The following ABTB2 variants were observed in gnomAD, a reference collection of about 807,000 sequenced individuals.
ABTB2 encodes the protein ankyrin repeat and BTB/POZ domain-containing protein 2.
In ABTB2, 56 loss-of-function variants were observed where a neutral mutation model predicts 104.1. That is an observed-to-expected ratio of 0.54 (90% CI 0.43 to 0.67). The LOEUF is 0.67. Ranked by LOEUF, ABTB2 falls within the 30% of genes least tolerant of loss-of-function variation. The pLI is 0.00. For missense variants in ABTB2, 1,279 were observed against 1,407.7 expected (o/e 0.91, Z 1.46); for synonymous variants, 606 against 608.2 (o/e 1.00, Z 0.05).
At chr11:34,275,603 C>T (rs1021098514) in intron 1 of ABTB2, among the ~76,000 whole-genome samples, 3 of 152,114 alleles carry the variant, frequency 2.0e-5, no homozygotes, top group African/African-American at 4.8e-5. Flanking sequence ...TTTATGAGCA[C>T]CCTAATCCAC....
chr11:34,321,133 G>C (rs947315062), intron 1 of ABTB2, among the ~76,000 whole-genome samples: 1 of 152,202 alleles, frequency 6.6e-6, no homozygotes, highest in African/African-American at 2.4e-5. Context: ...AGTGAGCTGA[G>C]ATCTCACCAT....
chr11:34,342,477 G>C (rs1245126289), intron 1 of ABTB2, among the ~76,000 whole-genome samples: 1 of 152,188 alleles, frequency 6.6e-6, no homozygotes, highest in East Asian at 1.9e-4. Flanking sequence ...GGAGGCCACA[G>C]GGCAAATGAG....
At position 34,224,856 on chromosome 11, in the gene ABTB2, T is replaced by C. The variant is rs187730993; in HGVS notation, c.884-20166A>G. Among the ~76,000 whole-genome samples, 331 of 152,266 alleles carry C rather than the reference T, an allele frequency of 2.2e-3. 1 individual carries two copies. Among genetic ancestry groups the C allele is most frequent in the Non-Finnish European group, 2.3e-3 (155 of 68,032 alleles). ...TTGAGGTAGGAATGATTTGAGATAGTGGTAATCTTTTTTAACGAGGCTTTT... is the reference window on the plus strand; with the variant it reads ...TTGAGGTAGGAATGATTTGAGATAGCGGTAATCTTTTTTAACGAGGCTTTT... On this transcript the variant is annotated intron_variant, in intron 1 of 16. Transcript: ENST00000435224.
intron 1 of ABTB2, among the ~76,000 whole-genome samples, chr11:34,341,309 C>T (rs1855259891): frequency 6.6e-6 from 1 of 152,168 alleles, no homozygotes; most frequent in African/African-American, 2.4e-5. Flanking sequence ...GTCAAGGGTC[C>T]AGAGGTTAGA....
At chr11:34,268,075 C>T (rs111745986) in intron 1 of ABTB2, among the ~76,000 whole-genome samples, 12,440 of 152,040 alleles carry the variant, frequency 0.082, 1,323 homozygotes, top group African/African-American at 0.25. Context: ...GGACTATAGG[C>T]GCCAGCCACC....
intron 9 of ABTB2, among the ~76,000 whole-genome samples, chr11:34,163,318 T>A (rs1190315393): frequency 6.6e-6 from 1 of 152,280 alleles, no homozygotes; most frequent in South Asian, 2.1e-4. Flanking sequence ...TCCCTTCATG[T>A]TGATAAGGAT....
intron 14 of ABTB2, among the ~76,000 whole-genome samples, chr11:34,156,286 C>T (rs1485596553): frequency 6.6e-6 from 1 of 152,212 alleles, no homozygotes; most frequent in Non-Finnish European, 1.5e-5. Context: ...AGCCAGCAGG[C>T]AGAGGTGGGT....
chr11:34,317,779 A>T (rs902396312), intron 1 of ABTB2, among the ~76,000 whole-genome samples: 1 of 149,012 alleles, frequency 6.7e-6, no homozygotes, highest in East Asian at 2.0e-4. Flanking sequence ...AAAAAAAAAA[A>T]TTAATAACGG....
intron 1 of ABTB2, among the ~76,000 whole-genome samples, chr11:34,238,836 C>T (rs1203527676): frequency 6.6e-6 from 1 of 152,178 alleles, no homozygotes; most frequent in East Asian, 1.9e-4. Context: ...TCACTGCAAC[C>T]TTGGCCTCCC....
chr11:34,278,389 G>A lies in ABTB2; in HGVS notation c.884-73699C>T, dbSNP rs531586502. ...TCTCAGGGCCTTGAATATGCAAATT[G>A]CATATTATAAAATGCAAAGAAGGAA... On this transcript the variant is annotated intron_variant, in intron 1 of 16. Coordinates refer to ENST00000435224, the MANE Select transcript of ABTB2 (RefSeq NM_145804.3). Among the ~76,000 whole-genome samples, 7 of 152,128 alleles carry A rather than the reference G, an allele frequency of 4.6e-5. No individual in the cohort carries two copies. The South Asian group carries it at 1.2e-3, about 27-fold the overall frequency.
chr11:34,348,495 T>C (rs926086308), intron 1 of ABTB2, among the ~76,000 whole-genome samples: 4 of 152,172 alleles, frequency 2.6e-5, no homozygotes, highest in African/African-American at 9.7e-5. Context: ...TTGCTCACAC[T>C]GTTCCCTCTG....
chr11:34,201,096 G>A (rs768885725), intron 2 of ABTB2, among the ~76,000 whole-genome samples: 2 of 152,106 alleles, frequency 1.3e-5, no homozygotes, highest in Non-Finnish European at 2.9e-5. Context: ...TAAAATCTCT[G>A]GACCTTCACC....
chr11:34,300,904 C>T (rs1014495111), intron 1 of ABTB2, among the ~76,000 whole-genome samples: 1 of 152,148 alleles, frequency 6.6e-6, no homozygotes, highest in South Asian at 2.1e-4. Flanking sequence ...GTTGGGTTAA[C>T]CTTACTTATA....
intron 1 of ABTB2, among the ~76,000 whole-genome samples, chr11:34,272,706 C>CAAAAAAAAAAAAAAAA (rs35638814): frequency 4.9e-5 from 2 of 41,078 alleles, no homozygotes; most frequent in African/African-American, 9.9e-5. Context: ...GACTCCGTCT[C>CAAAAAAAAAAAAAAAA]AAAAAAAAAA....
chr11:34,202,124 C>T (rs1012243858), intron 2 of ABTB2, among the ~76,000 whole-genome samples: 1 of 152,082 alleles, frequency 6.6e-6, no homozygotes, highest in African/African-American at 2.4e-5. Flanking sequence ...ATAAACTATT[C>T]GTAAGTAAAT....
At chr11:34,288,465 G>C (rs148479576) in intron 1 of ABTB2, among the ~76,000 whole-genome samples, 163 of 152,306 alleles carry the variant, frequency 1.1e-3, no homozygotes, top group Non-Finnish European at 2.0e-3. Context: ...ATTTCCAATA[G>C]CTGGGTCCCC....
At chr11:34,168,110 C>T in intron 5 of ABTB2, 118 bp from the exon 6 acceptor site, 1 of 1,004,216 alleles carries the variant, frequency 1.0e-6, no homozygotes, top group South Asian at 1.4e-5. Context: ...GCCGAGCATC[C>T]TGTGGTCCCC....
intron 2 of ABTB2, among the ~76,000 whole-genome samples, chr11:34,200,678 T>A (rs951512793): frequency 6.6e-6 from 1 of 152,186 alleles, no homozygotes; most frequent in Non-Finnish European, 1.5e-5. Context: ...TTCCTTTAAC[T>A]TTTTCAGCCA....
intron 1 of ABTB2, among the ~76,000 whole-genome samples, chr11:34,229,296 C>T (rs553372170): frequency 6.6e-6 from 1 of 151,454 alleles, no homozygotes; most frequent in Non-Finnish European, 1.5e-5. Context: ...TCCTGGCTAA[C>T]ACGATGAAAC....
Sources: gnomAD v4.1 joint callset for allele counts (sites outside exome capture counted in the v4.1 genomes callset) on GRCh38, gnomAD v4.1.1 for gene constraint, MANE v1.5 for transcripts, NCBI Gene and HGNC (gene_info 2026-07-23, HGNC 2026-07-21) for gene names.